The following SKAP1 variants were observed in gnomAD, a reference collection of about 807,000 sequenced individuals.
SKAP1 encodes src kinase associated phosphoprotein 1, also known as src kinase-associated phosphoprotein 1.
In SKAP1, 44 loss-of-function variants were observed where a neutral mutation model predicts 58.5. The observed-to-expected ratio is 0.75, with a 90% CI of 0.59 to 0.97. The LOEUF is 0.97. Among genes scored for constraint, SKAP1 ranks in the 50% least tolerant of loss-of-function variants. SKAP1 has a pLI of 0.00. For synonymous variants in SKAP1, 127 were observed against 149.7 expected (o/e 0.85, Z 1.11); for missense variants, 390 against 435.2 (o/e 0.90, Z 0.92).
intron 2 of SKAP1, among the ~76,000 whole-genome samples, chr17:48,364,519 A>G (rs776131105): frequency 1.5e-4 from 23 of 152,128 alleles, no homozygotes; most frequent in Non-Finnish European, 2.6e-4. Context: ...TACTAAAAAT[A>G]TAAAAATTAG....
intron 4 of SKAP1, among the ~76,000 whole-genome samples, chr17:48,230,884 A>G (rs1041168881): frequency 6.6e-6 from 1 of 152,240 alleles, no homozygotes; most frequent in Non-Finnish European, 1.5e-5. Flanking sequence ...TGATTTTTGC[A>G]TAAAAGCACA....
intron 4 of SKAP1, chr17:48,307,543 A>G (rs1324713148): frequency 6.6e-6 from 1 of 152,248 alleles, no homozygotes; most frequent in Non-Finnish European, 1.5e-5. Flanking sequence ...ATTTCAATTT[A>G]CATCAAGCCA....
intron 10 of SKAP1, among the ~76,000 whole-genome samples, chr17:48,165,411 T>A (rs1337322076): frequency 2.6e-5 from 4 of 151,324 alleles, no homozygotes; most frequent in Non-Finnish European, 5.9e-5. Context: ...TTCTTTTTTT[T>A]TTTTTTGAGG....
chr17:48,309,980 A>G (rs1265755606), intron 4 of SKAP1, among the ~76,000 whole-genome samples: 1 of 152,236 alleles, frequency 6.6e-6, no homozygotes, highest in African/African-American at 2.4e-5. Flanking sequence ...TTTTGAGGGA[A>G]GCCTGTCTTG....
chr17:48,268,639 G>A (rs1042547072), intron 4 of SKAP1, among the ~76,000 whole-genome samples: 1 of 151,936 alleles, frequency 6.6e-6, no homozygotes, highest in East Asian at 1.9e-4. Context: ...TTACAGGCAG[G>A]TGCCACCATA....
intron 4 of SKAP1, among the ~76,000 whole-genome samples, chr17:48,224,038 AAGGAGGAGGAGGAGGAGGAGGAG>A (rs2065036686): frequency 3.6e-4 from 19 of 52,400 alleles, no homozygotes; most frequent in Non-Finnish European, 5.1e-4. Flanking sequence ...GAGAGAGAAG[AAGGAGGAGGAGGAGGAGGAGGAG>A]GAGGAGAAGG....
chr17:48,224,395 T>C (rs1290971839), intron 4 of SKAP1, among the ~76,000 whole-genome samples: 2 of 152,160 alleles, frequency 1.3e-5, no homozygotes, highest in African/African-American at 4.8e-5. Context: ...TCCTTTAAAC[T>C]GGAGAGGCTA....
chr17:48,209,138 A>C (rs2064842694), intron 4 of SKAP1, among the ~76,000 whole-genome samples: 1 of 152,210 alleles, frequency 6.6e-6, no homozygotes, highest in African/African-American at 2.4e-5. Context: ...CAGGAACAGA[A>C]GGAATTATCA....
intron 4 of SKAP1, among the ~76,000 whole-genome samples, chr17:48,213,931 G>A (rs2064907128): frequency 1.3e-5 from 2 of 152,140 alleles, no homozygotes; most frequent in Admixed American, 1.3e-4. Flanking sequence ...ACCTCATCCT[G>A]ACTCTGAGCC....
At chr17:48,244,751 TC>T (rs2065277689) in intron 4 of SKAP1, among the ~76,000 whole-genome samples, 2 of 152,156 alleles carry the variant, frequency 1.3e-5, no homozygotes, top group African/African-American at 4.8e-5. Context: ...AGCATGGAGA[TC>T]CACTTAAAAG....
Position 48,423,394 on chromosome 17 carries a change from G to T in SKAP1, c.46+6681C>A, listed in dbSNP as rs1180765117. Among the ~76,000 whole-genome samples the T allele has an allele frequency of 2.0e-5, 3 of 152,144 alleles. No individual in the cohort carries two copies. In the East Asian group the frequency reaches 5.8e-4, roughly 29 times the overall value. On this transcript the variant is annotated intron_variant, in intron 1 of 12. Coordinates refer to ENST00000336915, the MANE Select transcript of SKAP1 (RefSeq NM_003726.4). ...TTCATGCCCACAGCTAAGTTTATAT[G>T]AAATAAGGGAGACACATTCTCAGAC...
At chr17:48,407,473 G>A (rs934332030) in intron 1 of SKAP1, among the ~76,000 whole-genome samples, 3 of 152,150 alleles carry the variant, frequency 2.0e-5, no homozygotes, top group Non-Finnish European at 4.4e-5. Context: ...ACAAGTGCTT[G>A]GCTTTTATAT....
intron 3 of SKAP1, among the ~76,000 whole-genome samples, chr17:48,349,482 C>T (rs528619156): frequency 1.8e-4 from 28 of 152,316 alleles, no homozygotes; most frequent in African/African-American, 6.5e-4. Context: ...GATATATATT[C>T]TAACACATCA....
At chr17:48,419,377 C>T (rs1000520353) in intron 1 of SKAP1, among the ~76,000 whole-genome samples, 29 of 151,988 alleles carry the variant, frequency 1.9e-4, no homozygotes, top group Admixed American at 1.4e-3. Context: ...CTCCAACTCC[C>T]GGGTTCAAGC....
intron 4 of SKAP1, among the ~76,000 whole-genome samples, chr17:48,318,957 T>C (rs1343062878): frequency 1.3e-5 from 2 of 152,202 alleles, no homozygotes; most frequent in African/African-American, 4.8e-5. Flanking sequence ...TTAATGTAAA[T>C]AACCTTCTTG....
At chr17:48,324,888 G>C (rs1389465965) in intron 4 of SKAP1, among the ~76,000 whole-genome samples, 1 of 152,006 alleles carries the variant, frequency 6.6e-6, no homozygotes, top group Non-Finnish European at 1.5e-5. Context: ...CAAACAGTGA[G>C]TATTTTCACC....
chr17:48,213,113 G>A (rs929630021), intron 4 of SKAP1, among the ~76,000 whole-genome samples: 9 of 152,114 alleles, frequency 5.9e-5, no homozygotes, highest in Admixed American at 3.3e-4. Context: ...AGGCTGAGGC[G>A]TGTGGATCAC....
At chr17:48,151,319 GA>G (rs2063900318) in intron 11 of SKAP1, among the ~76,000 whole-genome samples, 1 of 152,262 alleles carries the variant, frequency 6.6e-6, no homozygotes, top group African/African-American at 2.4e-5. Flanking sequence ...AATGAATTCA[GA>G]ATTAAAGTGT....
intron 11 of SKAP1, among the ~76,000 whole-genome samples, chr17:48,158,578 A>AAG (rs1555594577): frequency 2.0e-5 from 3 of 149,394 alleles, no homozygotes; most frequent in Admixed American, 2.0e-4. Flanking sequence ...AAAAAAAAAA[A>AAG]AAAAAAGAAA....
Sources: allele counts gnomAD v4.1 joint callset (sites outside exome capture counted in the v4.1 genomes callset), GRCh38; gene constraint gnomAD v4.1.1; transcripts MANE v1.5; gene names NCBI Gene and HGNC (gene_info 2026-07-23, HGNC 2026-07-21).